The following DCC variants were observed in gnomAD, a reference collection of about 807,000 sequenced individuals.
DCC encodes the protein netrin receptor DCC.
Under a neutral mutation model 172.5 loss-of-function variants are expected in DCC, and 58 were observed. The observed-to-expected ratio is 0.34, with a 90% CI of 0.27 to 0.42. The LOEUF (loss-of-function observed/expected upper bound fraction) is 0.42. DCC is among the 10% of genes least tolerant of loss of function. The pLI is 1.00. For missense variants in DCC, 1,740 were observed against 1,791.0 expected, an observed-to-expected ratio of 0.97 and a Z score of 0.51; for synonymous variants, 709 against 644.5, an observed-to-expected ratio of 1.10 and a Z score of -1.52.
chr18:52,425,262 T>C (rs1987385168), intron 1 of DCC, among the ~76,000 whole-genome samples: 1 of 152,170 alleles, frequency 6.6e-6, no homozygotes, highest in African/African-American at 2.4e-5. Flanking sequence ...ATGAAACACA[T>C]AGTTGGGTGT....
intron 2 of DCC, among the ~76,000 whole-genome samples, chr18:52,776,116 A>T (rs1444119922): frequency 6.6e-6 from 1 of 152,230 alleles, no homozygotes; most frequent in Admixed American, 6.5e-5. Flanking sequence ...CAGTATCACC[A>T]GACATTTACA....
chr18:52,871,147 A>G (rs2039312194), intron 2 of DCC, among the ~76,000 whole-genome samples: 1 of 152,138 alleles, frequency 6.6e-6, no homozygotes, highest in South Asian at 2.1e-4. Flanking sequence ...TGCTGCTTAA[A>G]ATCTTATATA....
chr18:52,663,399 G>T (rs2144952439), intron 1 of DCC, among the ~76,000 whole-genome samples: 1 of 152,280 alleles, frequency 6.6e-6, no homozygotes, highest in East Asian at 1.9e-4. Context: ...CTGAGTGGCA[G>T]TTTGCTGAGT....
Position 52,836,214 on chromosome 18 carries a change from AACT to A in DCC, c.413-69827_413-69825del, listed in dbSNP as rs199736695. Among the ~76,000 whole-genome samples the A allele has an allele frequency of 9.7e-3, 1,475 of 152,292 alleles. 26 individuals carry two copies. Among genetic ancestry groups the A allele is most frequent in the African/African-American group, 0.033 (1,368 of 41,564 alleles). Reference sequence around the variant, plus strand: ...CCCTTTCATGACATGGGATTATGGGAACTACAAGATGAGATTTGCATAGGGACA... The same window carrying A: ...CCCTTTCATGACATGGGATTATGGGAACAAGATGAGATTTGCATAGGGACA... On this transcript the variant is annotated intron_variant, in intron 2 of 28. Coordinates refer to ENST00000442544, the MANE Select transcript of DCC (RefSeq NM_005215.4).
intron 7 of DCC, among the ~76,000 whole-genome samples, chr18:53,148,298 G>A (rs147346472): frequency 6.6e-6 from 1 of 152,162 alleles, no homozygotes; most frequent in Non-Finnish European, 1.5e-5. Context: ...GGGATGAGGG[G>A]AAGGATGGTG....
At chr18:52,890,966 T>C (rs558550790) in intron 2 of DCC, among the ~76,000 whole-genome samples, 3 of 152,222 alleles carry the variant, frequency 2.0e-5, no homozygotes, top group Admixed American at 1.3e-4. Flanking sequence ...GACTTTAAAA[T>C]AGCAATATTT....
At chr18:52,915,942 TGA>T (rs1057287499) in intron 3 of DCC, among the ~76,000 whole-genome samples, 1 of 152,116 alleles carries the variant, frequency 6.6e-6, no homozygotes, top group Non-Finnish European at 1.5e-5. Context: ...TGGAATTTCT[TGA>T]GATGCTTTCA....
chr18:53,039,807 AT>A (rs2042144527), intron 5 of DCC, among the ~76,000 whole-genome samples: 1 of 151,900 alleles, frequency 6.6e-6, no homozygotes, highest in East Asian at 1.9e-4. Context: ...CTTTTCCTTC[AT>A]GTTTTAATGT....
chr18:53,186,072 G>A (rs1455837491), intron 9 of DCC, among the ~76,000 whole-genome samples: 1 of 152,178 alleles, frequency 6.6e-6, no homozygotes, highest in East Asian at 1.9e-4. Flanking sequence ...ATTTCCCTAA[G>A]AAGCTTCTGC....
At chr18:53,200,005 T>C (rs1052712163) in intron 9 of DCC, among the ~76,000 whole-genome samples, 2 of 152,206 alleles carry the variant, frequency 1.3e-5, no homozygotes, top group African/African-American at 4.8e-5. Flanking sequence ...TTGGAAACTT[T>C]ACACCAACAA....
chr18:52,773,290 G>C (rs1209642010), intron 2 of DCC, among the ~76,000 whole-genome samples: 3 of 152,088 alleles, frequency 2.0e-5, no homozygotes, highest in Non-Finnish European at 4.4e-5. Context: ...CTTACATGAT[G>C]AACACATTAC....
intron 2 of DCC, among the ~76,000 whole-genome samples, chr18:52,894,007 A>C (rs1173146826): frequency 6.6e-6 from 1 of 152,164 alleles, no homozygotes; most frequent in Non-Finnish European, 1.5e-5. Context: ...ATCTCTAAAA[A>C]CATGTGCAGT....
At position 52,610,209 on chromosome 18, in the gene DCC, A is replaced by C. The variant is rs1423440396; in HGVS notation, c.92-141845A>C. 7.4e-5 allele frequency among the ~76,000 whole-genome samples: 6 copies of C among 81,328 alleles called. 2 individuals are homozygous for C. Among genetic ancestry groups the C allele is most frequent in the African/African-American group, 3.3e-4 (6 of 18,436 alleles). 53.4% of individuals were successfully genotyped at this position (81,328 alleles called of 152,430 possible). A position where few individuals can be genotyped will look rare whatever the true frequency, so the allele number is the denominator to read the frequency against. The stretch of plus-strand genomic sequence containing the variant: ...TATATATATATATATATATATATAT[A>C]TATATATATATATATATAAAATTAG... On this transcript the variant is annotated intron_variant, in intron 1 of 28. Coordinates refer to ENST00000442544, the MANE Select transcript of DCC (RefSeq NM_005215.4).
At chr18:53,081,155 A>G (rs183382407) in intron 7 of DCC, among the ~76,000 whole-genome samples, 2 of 152,088 alleles carry the variant, frequency 1.3e-5, no homozygotes, top group Admixed American at 1.3e-4. Flanking sequence ...TGGCAGACAC[A>G]GATTAGAACT....
Position 52,990,540 on chromosome 18 carries a change from C to CAAAAAAAAAAAAAAAAAAAAAAAAA in DCC, c.985+65172_985+65196dup. Reference sequence around the variant, plus strand: ...GGGCAACAAGAGCAAAACTCCATCCCAAAAAAAAAAAAAAAAAAAAAAAAA... The same window carrying CAAAAAAAAAAAAAAAAAAAAAAAAA: ...GGGCAACAAGAGCAAAACTCCATCCCAAAAAAAAAAAAAAAAAAAAAAAAAAAAAAAAAAAAAAAAAAAAAAAAAA... On this transcript the variant is annotated intron_variant, in intron 5 of 28. Transcript: ENST00000442544. 5.5e-4 allele frequency among the ~76,000 whole-genome samples: 2 copies of CAAAAAAAAAAAAAAAAAAAAAAAAA among 3,660 alleles called. 1 individual carries two copies. Among genetic ancestry groups the CAAAAAAAAAAAAAAAAAAAAAAAAA allele is most frequent in the Non-Finnish European group, 1.3e-3 (2 of 1,572 alleles). The allele number at this position is 3,660 out of a possible 152,430, so 2.4% of individuals were successfully genotyped here.
chr18:53,472,726 G>A (rs555650859), intron 25 of DCC, among the ~76,000 whole-genome samples: 6 of 152,116 alleles, frequency 3.9e-5, no homozygotes, highest in South Asian at 2.1e-4. Flanking sequence ...AAGTCTTCCC[G>A]GCTCTAGCAT....
intron 21 of DCC, among the ~76,000 whole-genome samples, chr18:53,429,087 A>AAT (rs1555670874): frequency 1.2e-5 from 1 of 82,566 alleles, no homozygotes; most frequent in African/African-American, 3.9e-5. Flanking sequence ...TATTTTATAT[A>AAT]ATATATATTT....
intron 21 of DCC, among the ~76,000 whole-genome samples, chr18:53,427,069 GC>G (rs1185702218): frequency 6.6e-6 from 1 of 152,076 alleles, no homozygotes; most frequent in Non-Finnish European, 1.5e-5. Context: ...GATGGGGGAG[GC>G]TTTTATGGAT....
At chr18:52,851,008 C>CATACA (rs1568145039) in intron 2 of DCC, among the ~76,000 whole-genome samples, 2 of 151,610 alleles carry the variant, frequency 1.3e-5, no homozygotes, top group Non-Finnish European at 2.9e-5. Context: ...TATTAATGAA[C>CATACA]AATTAAACGG....
Sources: gnomAD v4.1 joint callset for allele counts (sites outside exome capture counted in the v4.1 genomes callset) on GRCh38, gnomAD v4.1.1 for gene constraint, MANE v1.5 for transcripts, NCBI Gene and HGNC (gene_info 2026-07-23, HGNC 2026-07-21) for gene names.